Variants in GNG4 observed in about 807,000 individuals in gnomAD.
The protein encoded by GNG4 is G protein subunit gamma 4, also known as guanine nucleotide-binding protein G(I)/G(S)/G(O) subunit gamma-4.
Under a neutral mutation model 5.8 loss-of-function variants are expected in GNG4, and 4 were observed. The observed-to-expected ratio is 0.69, with a 90% CI of 0.34 to 1.57. The LOEUF (loss-of-function observed/expected upper bound fraction) is 1.57. GNG4 is among the 40% of genes most tolerant of loss of function. GNG4 has a pLI of 0.06. For missense variants in GNG4, 96 were observed against 95.1 expected (o/e 1.01, Z -0.04); for synonymous variants, 29 against 32.9 (o/e 0.88, Z 0.41).
chr1:235,613,318 G>T (rs932606769), intron 1 of GNG4, among the ~76,000 whole-genome samples: 3 of 152,220 alleles, frequency 2.0e-5, no homozygotes, highest in African/African-American at 7.2e-5. Context: ...TTTACAGGGT[G>T]AGGCAGGCAG....
At chr1:235,582,073 ACT>A (rs1198082790) in intron 3 of GNG4, among the ~76,000 whole-genome samples, 1 of 150,510 alleles carries the variant, frequency 6.6e-6, no homozygotes, top group East Asian at 1.9e-4. Context: ...TCCCACGTTT[ACT>A]CTCCATGTTC....
At chr1:235,594,495 C>A (rs1283136142) in intron 2 of GNG4, among the ~76,000 whole-genome samples, 1 of 152,156 alleles carries the variant, frequency 6.6e-6, no homozygotes. Flanking sequence ...CGGTGATTGT[C>A]CAGGAGGCTC....
intron 1 of GNG4, among the ~76,000 whole-genome samples, chr1:235,599,974 C>T (rs1012021047): frequency 6.6e-6 from 1 of 152,282 alleles, no homozygotes; most frequent in East Asian, 1.9e-4. Flanking sequence ...ACCCACCAGC[C>T]TACCCCAGGA....
Position 235,552,186 on chromosome 1 carries a change from C to T in GNG4, c.151G>A (p.Glu51Lys). Reference sequence around the variant, plus strand: ...GGCACTGGAATGATGAGAGGATCTTCCCGCACGTGAGCTTCACAGTAGGCC... The same window carrying T: ...GGCACTGGAATGATGAGAGGATCTTTCCGCACGTGAGCTTCACAGTAGGCC... ...LLAYCEAHVR[E>K]DPLIIPVPAS... is the part of the protein sequence containing the mutation. Residue 51 changes from glutamate (E) to lysine (K), a missense_variant, in exon 4 of 4, where the codon GAA becomes AAA. Transcript: ENST00000391854. 2 of 1,613,996 alleles carry T rather than the reference C, an allele frequency of 1.2e-6. No homozygotes were observed. Among genetic ancestry groups the T allele is most frequent in the Non-Finnish European group, 1.7e-6 (2 of 1,179,854 alleles).
At chr1:235,580,707 A>G (rs945343535) in intron 3 of GNG4, among the ~76,000 whole-genome samples, 4 of 134,732 alleles carry the variant, frequency 3.0e-5, no homozygotes, top group Admixed American at 1.5e-4. Context: ...CGTTTCCATT[A>G]TGGTCAGCAC....
chr1:235,565,596 C>T (rs488618), intron 3 of GNG4, among the ~76,000 whole-genome samples: 87,506 of 152,020 alleles, frequency 0.58, 25,691 homozygotes, highest in East Asian at 0.8. Context: ...AAAGAACAAC[C>T]ACAATGGGCT....
intron 1 of GNG4, among the ~76,000 whole-genome samples, chr1:235,619,582 T>C (rs952220979): frequency 2.7e-4 from 41 of 152,334 alleles, no homozygotes; most frequent in South Asian, 1.0e-3. Context: ...ACTTCAGTGA[T>C]TGAGATTCTA....
intron 3 of GNG4, among the ~76,000 whole-genome samples, chr1:235,571,669 T>C (rs1687348096): frequency 6.6e-6 from 1 of 152,180 alleles, no homozygotes. Flanking sequence ...ATGACGGGGA[T>C]ATGTTCTGAG....
intron 3 of GNG4, among the ~76,000 whole-genome samples, chr1:235,575,031 G>A (rs1687442902): frequency 6.6e-6 from 1 of 152,016 alleles, no homozygotes; most frequent in African/African-American, 2.4e-5. Flanking sequence ...CACCACGTTG[G>A]CCAGGCTAGT....
chr1:235,560,560 A>G (rs990532096), intron 3 of GNG4, among the ~76,000 whole-genome samples: 3 of 152,240 alleles, frequency 2.0e-5, no homozygotes, highest in South Asian at 2.1e-4. Flanking sequence ...CAACTGAAAC[A>G]TAAGCACATG....
At chr1:235,592,868 C>T (rs986473942) in intron 2 of GNG4, among the ~76,000 whole-genome samples, 3 of 152,174 alleles carry the variant, frequency 2.0e-5, no homozygotes, top group Non-Finnish European at 4.4e-5. Flanking sequence ...AAACACCCTC[C>T]TTTCTTCCAC....
intron 3 of GNG4, among the ~76,000 whole-genome samples, chr1:235,570,293 A>AT (rs1687299865): frequency 6.6e-6 from 1 of 150,930 alleles, no homozygotes; most frequent in Admixed American, 6.6e-5. Context: ...TTTCCACAGC[A>AT]TGTGTGCCAC....
chr1:235,570,782 A>T (rs1687315251), intron 3 of GNG4, among the ~76,000 whole-genome samples: 2 of 149,384 alleles, frequency 1.3e-5, no homozygotes, highest in Admixed American at 6.7e-5. Flanking sequence ...TGCAACCTCA[A>T]CCTCCCAGGT....
intron 2 of GNG4, among the ~76,000 whole-genome samples, chr1:235,589,796 G>A (rs891741278): frequency 6.6e-6 from 1 of 152,220 alleles, no homozygotes; most frequent in Non-Finnish European, 1.5e-5. Context: ...CAAGGACACG[G>A]TCACTAGTCT....
chr1:235,557,078 C>G (rs1239968005), intron 3 of GNG4, among the ~76,000 whole-genome samples: 1 of 152,190 alleles, frequency 6.6e-6, no homozygotes, highest in Non-Finnish European at 1.5e-5. Flanking sequence ...TCACTTCCTG[C>G]TGTGCGGCCC....
chr1:235,582,088 T>C (rs1250888824), intron 3 of GNG4, among the ~76,000 whole-genome samples: 1 of 152,208 alleles, frequency 6.6e-6, no homozygotes, highest in African/African-American at 2.4e-5. Context: ...CCATGTTCTG[T>C]TGATTTTCTT....
chr1:235,635,499 C>T (rs904038624), intron 1 of GNG4, among the ~76,000 whole-genome samples: 3 of 88,644 alleles, frequency 3.4e-5, no homozygotes, highest in East Asian at 4.4e-4. Flanking sequence ...TCCATCTCGG[C>T]GGGGAAAAAT....
At chr1:235,561,304 C>T (rs1247289787) in intron 3 of GNG4, among the ~76,000 whole-genome samples, 7 of 151,964 alleles carry the variant, frequency 4.6e-5, no homozygotes, top group African/African-American at 7.3e-5. Context: ...CCACCGCGCC[C>T]GGCCATTTTG....
At chr1:235,570,427 C>T (rs79490317) in intron 3 of GNG4, among the ~76,000 whole-genome samples, 6,271 of 107,714 alleles carry the variant, frequency 0.058, 460 homozygotes, top group African/African-American at 0.2. Flanking sequence ...GACGGAGTTT[C>T]ACTCCGTCAC....
Sources: gnomAD v4.1 joint callset for allele counts (sites outside exome capture counted in the v4.1 genomes callset) on GRCh38, gnomAD v4.1.1 for gene constraint, MANE v1.5 for transcripts, NCBI Gene and HGNC (gene_info 2026-07-23, HGNC 2026-07-21) for gene names.